CPEB2: variants seen among roughly 807,000 people sequenced by gnomAD.
CPEB2 encodes cytoplasmic polyadenylation element binding protein 2, also known as cytoplasmic polyadenylation element-binding protein 2.
Under a neutral mutation model 93.6 loss-of-function variants are expected in CPEB2, and 56 were observed. The ratio of observed to expected loss-of-function variants is 0.60; its 90% CI spans 0.48 to 0.75. The LOEUF is 0.75. CPEB2 is among the 30% of genes least tolerant of loss of function. CPEB2 has a pLI of 0.00. For missense variants in CPEB2, 1,579 were observed against 1,395.1 expected (o/e 1.13, Z -2.10); for synonymous variants, 764 against 586.3 (o/e 1.30, Z -4.38).
intron 5 of CPEB2, among the ~76,000 whole-genome samples, chr4:15,037,192 A>G (rs943263921): frequency 6.6e-6 from 1 of 152,010 alleles, no homozygotes; most frequent in East Asian, 1.9e-4. Flanking sequence ...AGTCCCAGCT[A>G]CTCGGGAGCT....
At position 15,008,427 on chromosome 4, in the gene CPEB2, G is replaced by A; in HGVS notation, c.2034G>A (p.Gln678=). 2 of 1,607,236 alleles carry A rather than the reference G, an allele frequency of 1.2e-6. No homozygotes were observed. The highest frequency in any genetic ancestry group is 1.7e-6 in the Non-Finnish European group (2 of 1,174,066). Residue 678 remains glutamine, a splice_region_variant and synonymous_variant, in exon 3 of 12, where the codon CAG becomes CAA. Coordinates refer to ENST00000538197, the MANE Select transcript of CPEB2 (RefSeq NM_001177382.2). ...CTAAGTSRID[Q]DRSRMYDSLN... ...CAGCCGGAACATCCAGAATAGACCA[G>A]GTAGGCTGCACAGTGTATACTTTTT...
chr4:15,044,901 ATTAC>A (rs1560243140), intron 6 of CPEB2, among the ~76,000 whole-genome samples: 1 of 152,132 alleles, frequency 6.6e-6, no homozygotes, highest in Non-Finnish European at 1.5e-5. Context: ...TCCTTCTCTT[ATTAC>A]TTCATTCATC....
At chr4:15,064,429 A>G (rs1043585862) in intron 11 of CPEB2, among the ~76,000 whole-genome samples, 1 of 152,100 alleles carries the variant, frequency 6.6e-6, no homozygotes, top group Non-Finnish European at 1.5e-5. Flanking sequence ...TTTTAAAAAT[A>G]CAAATAATTG....
chr4:15,007,646 G>A, intron 2 of CPEB2, 60 bp downstream of exon 2: 6 of 1,142,562 alleles, frequency 5.3e-6, no homozygotes, highest in Non-Finnish European at 7.1e-6. Flanking sequence ...TAGGGAGTTG[G>A]GTGGTGGTGG....
intron 11 of CPEB2, 150 bp from the exon 12 acceptor site, chr4:15,066,003 C>T: frequency 1.5e-6 from 1 of 657,962 alleles, no homozygotes; most frequent in Non-Finnish European, 2.7e-6. Flanking sequence ...TTTTAACCTA[C>T]TACATTGTAA....
intron 3 of CPEB2, among the ~76,000 whole-genome samples, chr4:15,015,178 A>G (rs1723978253): frequency 6.6e-6 from 1 of 152,038 alleles, no homozygotes; most frequent in Non-Finnish European, 1.5e-5. Flanking sequence ...TCCACTCCAG[A>G]CCTACTGAAT....
Position 15,003,643 on chromosome 4 carries a change from A to T in CPEB2, c.970A>T (p.Ser324Cys). Residue 324 changes from serine (S) to cysteine (C), a missense_variant, in exon 1 of 12, where the codon AGT (serine) becomes TGT (cysteine). Around this residue, in one of 2 missense-constraint regions of CPEB2, gnomAD observed 1,411 missense variants for 1,056.0 expected, o/e 1.34. Coordinates refer to ENST00000538197, the MANE Select transcript of CPEB2 (RefSeq NM_001177382.2). ...GTCCCCCAACCACCCTCTGCTCAACAGTCCCAGTAACCTCCTGCCCGGAGG... is the reference window on the plus strand; with the variant it reads ...GTCCCCCAACCACCCTCTGCTCAACTGTCCCAGTAACCTCCTGCCCGGAGG... ...MESPNHPLLN[S>C]PSNLLPGGAL... 1 of 1,480,424 alleles carries T rather than the reference A, an allele frequency of 6.8e-7. No individual in the cohort carries two copies. Among genetic ancestry groups the T allele is most frequent in the South Asian group, 1.3e-5 (1 of 79,274 alleles). The allele number at this position is 1,480,424 out of a possible 1,614,324, so 91.7% of individuals were successfully genotyped here.
Position 15,002,747 on chromosome 4 carries a change from G to T in CPEB2, c.74G>T (p.Gly25Val). ...AGCAGTCCTGGGCCCCTGTTCTGCG[G>T]CGAGGCGTATGGTCCTTACGCCGTG... The part of the protein sequence containing the change: ...RSSSPGPLFC[G>V]EAYGPYAVGS... The change falls in exon 1 of 12, where the codon GGC becomes GTC. Residue 25 changes from glycine (G) to valine (V), a missense_variant. Coordinates refer to ENST00000538197, the MANE Select transcript of CPEB2 (RefSeq NM_001177382.2). 2 of 1,535,292 alleles carry T rather than the reference G, an allele frequency of 1.3e-6. No homozygotes were observed. The highest frequency in any genetic ancestry group is 1.2e-5 in the South Asian group (1 of 84,022).
At chr4:15,051,494 T>C (rs772953185) in intron 6 of CPEB2, among the ~76,000 whole-genome samples, 5 of 152,242 alleles carry the variant, frequency 3.3e-5, no homozygotes, top group South Asian at 2.1e-4. Flanking sequence ...TTCCTGTAAA[T>C]ATTTCCACCT....
chr4:15,065,967 T>A (rs1729670685), intron 11 of CPEB2, among the ~76,000 whole-genome samples, 186 bp from the exon 12 acceptor site: 1 of 152,060 alleles, frequency 6.6e-6, no homozygotes, highest in Non-Finnish European at 1.5e-5. Context: ...GTTTTGCAAA[T>A]CAGATTTTTA....
intron 3 of CPEB2, among the ~76,000 whole-genome samples, chr4:15,011,480 G>A (rs1168071710): frequency 3.9e-5 from 6 of 152,072 alleles, no homozygotes; most frequent in East Asian, 3.9e-4. Context: ...TGCGAGAATC[G>A]TACTCAAAAG....
chr4:15,009,008 T>A (rs1165176345), intron 3 of CPEB2, among the ~76,000 whole-genome samples: 4 of 152,162 alleles, frequency 2.6e-5, no homozygotes, highest in Admixed American at 1.3e-4. Flanking sequence ...AAGCTGGGAG[T>A]TAGCCTTAAT....
chr4:15,003,071 AC>A lies in CPEB2; in HGVS notation c.400del (p.Leu134SerfsTer41), dbSNP rs1722189007. 5 of 1,514,272 alleles carry A rather than the reference AC, an allele frequency of 3.3e-6. No homozygotes were observed. The East Asian group carries it at 1.3e-4, about 38-fold the overall frequency. The allele number at this position is 1,514,272 out of a possible 1,614,324, so 93.8% of individuals were successfully genotyped here. A position where few individuals can be genotyped will look rare whatever the true frequency, so the allele number is the denominator to read the frequency against. The stretch of plus-strand genomic sequence containing the variant: ...GGCGGCACGATCGCGGGTGTGACCC[AC>A]CTCCTCCCCTCCCAGGACTTCAAAC... ...PGGGTIAGVT[H>X]LLPSQDFKPS... On this transcript the variant is annotated frameshift_variant, in exon 1 of 12. Coordinates refer to ENST00000538197, the MANE Select transcript of CPEB2 (RefSeq NM_001177382.2). LOFTEE classifies it high-confidence loss of function.
rs1268775013 is a variant in CPEB2 at position 15,068,159 on chromosome 4, CA to C, written c.*1782del. The stretch of plus-strand genomic sequence containing the variant: ...AAATTACAAGGGTGTTGCCTTATAG[CA>C]AACCCTTGGGACAATCCTTCATGTG... On this transcript the variant is annotated 3_prime_UTR_variant, in exon 12 of 12. Transcript: ENST00000538197. The C allele has an allele frequency of 6.6e-6, 1 of 152,316 alleles. No homozygotes were observed. The highest frequency in any genetic ancestry group is 1.5e-5 in the Non-Finnish European group (1 of 67,886). 9.4% of individuals were successfully genotyped at this position (152,316 alleles called of 1,614,324 possible).
At chr4:15,066,116 C>T in intron 11 of CPEB2, 37 bp from the exon 12 acceptor site, 3 of 1,523,424 alleles carry the variant, frequency 2.0e-6, no homozygotes, top group Non-Finnish European at 1.8e-6. Flanking sequence ...ATTTCTGAAG[C>T]AGACCCTAAT....
Position 15,002,791 on chromosome 4 carries a change from C to T in CPEB2, c.118C>T (p.Pro40Ser), listed in dbSNP as rs1722127304. 5 of 1,535,544 alleles carry T rather than the reference C, an allele frequency of 3.3e-6. No homozygotes were observed. The highest frequency in any genetic ancestry group is 4.4e-6 in the Non-Finnish European group (5 of 1,146,650). ...PYAVGSVNPLPSATPFGPLSP... is the reference protein window; with the variant it reads ...PYAVGSVNPLSSATPFGPLSP... ...CGCCGTGGGGTCCGTCAACCCGCTG[C>T]CCTCCGCCACGCCCTTCGGCCCACT... The change falls in exon 1 of 12, where the codon CCC (proline) becomes TCC (serine). Residue 40 changes from proline to serine, a missense_variant. Physicochemically the swap from Pro to Ser is moderately conservative, Grantham distance 74. This residue lies in a region of CPEB2 where 1,411 missense variants were observed against 1,056.0 expected (regional missense o/e 1.34). Coordinates refer to ENST00000538197, the MANE Select transcript of CPEB2 (RefSeq NM_001177382.2).
chr4:15,003,584 C>G lies in CPEB2; in HGVS notation c.911C>G (p.Ser304Trp). 2.7e-6 allele frequency: 4 copies of G among 1,475,440 alleles called. No homozygotes were observed. The highest frequency in any genetic ancestry group is 3.6e-6 in the Non-Finnish European group (4 of 1,117,472). The allele number at this position is 1,475,440 out of a possible 1,614,324, so 91.4% of individuals were successfully genotyped here. A position where few individuals can be genotyped will look rare whatever the true frequency, so the allele number is the denominator to read the frequency against. ...AESPNAGLAS[S>W]TPVNPAPGSM... is the part of the protein sequence containing the mutation. ...TCCCCCAATGCGGGCTTGGCCTCCTCGACGCCGGTGAACCCCGCGCCGGGC... is the reference window on the plus strand; with the variant it reads ...TCCCCCAATGCGGGCTTGGCCTCCTGGACGCCGGTGAACCCCGCGCCGGGC... The change falls in exon 1 of 12, where the codon TCG becomes TGG. Residue 304 changes from serine (S) to tryptophan (W), a missense_variant. Coordinates refer to ENST00000538197, the MANE Select transcript of CPEB2 (RefSeq NM_001177382.2).
At chr4:15,049,922 C>G (rs1728063749) in intron 6 of CPEB2, among the ~76,000 whole-genome samples, 1 of 152,166 alleles carries the variant, frequency 6.6e-6, no homozygotes, top group East Asian at 1.9e-4. Flanking sequence ...TGTCCCCAAC[C>G]CATTCTGTTC....
Position 15,002,792 on chromosome 4 carries a change from C to G in CPEB2, c.119C>G (p.Pro40Arg). ...GCCGTGGGGTCCGTCAACCCGCTGC[C>G]CTCCGCCACGCCCTTCGGCCCACTG... ...PYAVGSVNPLPSATPFGPLSP... is the reference protein window; with the variant it reads ...PYAVGSVNPLRSATPFGPLSP... Residue 40 changes from proline (P) to arginine (R), a missense_variant, in exon 1 of 12, where the codon CCC becomes CGC. Transcript: ENST00000538197. 8 of 1,535,540 alleles carry G rather than the reference C, an allele frequency of 5.2e-6. No individual in the cohort carries two copies. Among genetic ancestry groups the G allele is most frequent in the Non-Finnish European group, 7.0e-6 (8 of 1,146,652 alleles).
Sources: gnomAD v4.1 joint callset for allele counts (sites outside exome capture counted in the v4.1 genomes callset) on GRCh38, gnomAD v4.1.1 for gene constraint, gnomAD v4.1.1 regional missense constraint, MANE v1.5 for transcripts, NCBI Gene and HGNC (gene_info 2026-07-23, HGNC 2026-07-21) for gene names.